The following KLKB1 variants were observed in gnomAD, a reference collection of about 807,000 sequenced individuals.
The protein encoded by KLKB1 is plasma kallikrein.
In KLKB1, 58 loss-of-function variants were observed where a neutral mutation model predicts 73.6. The ratio of observed to expected loss-of-function variants is 0.79; its 90% CI spans 0.64 to 0.98. The LOEUF (loss-of-function observed/expected upper bound fraction) is 0.98. KLKB1 is among the 50% of genes least tolerant of loss of function. KLKB1 has a pLI of 0.00. For synonymous variants in KLKB1, 280 were observed against 258.1 expected (o/e 1.08, Z -0.81); for missense variants, 737 against 763.8 (o/e 0.96, Z 0.41).
chr4:186,241,533 TTGAGAGA>T (rs1489590896), intron 6 of KLKB1, among the ~76,000 whole-genome samples: 2 of 152,188 alleles, frequency 1.3e-5, no homozygotes, highest in Non-Finnish European at 2.9e-5. Flanking sequence ...TGCATAGATC[TTGAGAGA>T]TGTCAGGCTA....
chr4:186,237,667 C>A (rs1737766449), intron 5 of KLKB1, among the ~76,000 whole-genome samples: 1 of 152,022 alleles, frequency 6.6e-6, no homozygotes, highest in African/African-American at 2.4e-5. Flanking sequence ...ATTTTTAAAT[C>A]TTATTTTTAT....
rs1737722468 is a variant in KLKB1 at position 186,236,907 on chromosome 4, A to G, written c.455A>G (p.Tyr152Cys). ...AACATTCGCTGCCAGTTTTTTTCAT[A>G]TGCCACGCAAACATTTCACAAGGCA... is the stretch of plus-strand genomic sequence containing the variant. ...TSNIRCQFFS[Y>C]ATQTFHKAEY... Residue 152 changes from tyrosine (Y) to cysteine (C), a missense_variant, in exon 5 of 15, where the codon TAT becomes TGT. By Grantham distance (194) the Tyr-to-Cys change is radical. Transcript: ENST00000264690. 6.2e-7 allele frequency: 1 copy of G among 1,614,126 alleles called. No individual in the cohort carries two copies. Among genetic ancestry groups the G allele is most frequent in the Non-Finnish European group, 8.5e-7 (1 of 1,180,030 alleles).
chr4:186,214,913 TG>T (rs1388655588), intron 2 of KLKB1, among the ~76,000 whole-genome samples: 1 of 152,246 alleles, frequency 6.6e-6, no homozygotes, highest in East Asian at 1.9e-4. Flanking sequence ...GATAAGTTTT[TG>T]GCACGTTCTT....
intron 6 of KLKB1, among the ~76,000 whole-genome samples, chr4:186,240,245 T>C (rs1427192151): frequency 1.3e-5 from 2 of 151,962 alleles, no homozygotes; most frequent in East Asian, 3.9e-4. Context: ...TATAGGACAG[T>C]GATGTAGTTA....
chr4:186,254,080 A>C (rs1261231891), intron 11 of KLKB1, among the ~76,000 whole-genome samples: 5 of 152,176 alleles, frequency 3.3e-5, no homozygotes, highest in African/African-American at 7.2e-5. Flanking sequence ...GGATCCACCC[A>C]CCTCGGCCTC....
upstream of KLKB1, among the ~76,000 whole-genome samples, chr4:186,222,692 A>G (rs558622158): frequency 6.6e-6 from 1 of 152,354 alleles, no homozygotes; most frequent in Middle Eastern, 3.4e-3. Context: ...CTGTTGCACA[A>G]TAACAGTATT....
chr4:186,223,470 G>C (rs1257006966), upstream of KLKB1, among the ~76,000 whole-genome samples: 1 of 152,214 alleles, frequency 6.6e-6, no homozygotes, highest in African/African-American at 2.4e-5. Context: ...ATGGAGACGA[G>C]AAACTATTGG....
In KLKB1 at chr4:186,257,365, G is replaced by A. The variant is rs1739058426; in HGVS notation, c.1725G>A (p.Lys575=). The A allele has an allele frequency of 1.3e-6, 2 of 1,578,474 alleles. 1 individual carries two copies. Among genetic ancestry groups the A allele is most frequent in the Admixed American group, 3.5e-5 (2 of 57,518 alleles). The part of the protein sequence containing the change: ...GYKEGGKDAC[K]GDSGGPLVCK... ...AAGAAGGGGGAAAAGATGCTTGTAA[G>A]GTAACTCATGAGATTATGAAAAACA... Residue 575 remains lysine (K), a splice_region_variant and synonymous_variant, in exon 14 of 15, where the codon AAG becomes AAA. Transcript: ENST00000264690.
chr4:186,235,887 G>T (rs965763188), intron 4 of KLKB1, among the ~76,000 whole-genome samples: 1 of 151,554 alleles, frequency 6.6e-6, no homozygotes, highest in Admixed American at 6.6e-5. Context: ...AGGCCGAGAC[G>T]GGCGGATCAC....
chr4:186,251,591 A>T lies in KLKB1; in HGVS notation c.973A>T (p.Met325Leu), dbSNP rs887022537. ...TGTTTGCCAAGAGACTTGCACAAAG[A>T]TGATTCGCTGTCAGTTTTTCACTTA... ...VNVCQETCTKMIRCQFFTYSL... is the reference protein window; with the variant it reads ...VNVCQETCTKLIRCQFFTYSL... Residue 325 changes from methionine to leucine, a missense_variant, in exon 9 of 15, where the codon ATG becomes TTG. Physicochemically the swap from Met to Leu is conservative, Grantham distance 15 (BLOSUM62 2). Transcript: ENST00000264690. 12 of 1,614,054 alleles carry T rather than the reference A, an allele frequency of 7.4e-6. No homozygotes were observed. Among genetic ancestry groups the T allele is most frequent in the Admixed American group, 1.7e-5 (1 of 60,010 alleles).
At chr4:186,245,835 TTA>T (rs1738316230) in intron 6 of KLKB1, among the ~76,000 whole-genome samples, 2 of 143,384 alleles carry the variant, frequency 1.4e-5, no homozygotes, top group African/African-American at 5.0e-5. Flanking sequence ...TTTTTTTTTT[TTA>T]ATGTCAGGAG....
intron 6 of KLKB1, among the ~76,000 whole-genome samples, chr4:186,240,230 A>G (rs1446331269): frequency 1.3e-5 from 2 of 152,030 alleles, no homozygotes; most frequent in Admixed American, 6.5e-5. Context: ...TGATATTGTT[A>G]TAGTTATAGG....
Position 186,258,082 on chromosome 4 carries a change from C to G in KLKB1, c.1787C>G (p.Thr596Ser), listed in dbSNP as rs1392411861. 1 of 1,613,986 alleles carries G rather than the reference C, an allele frequency of 6.2e-7. No homozygotes were observed. The highest frequency in any genetic ancestry group is 1.1e-5 in the South Asian group (1 of 91,082). Residue 596 changes from threonine to serine, a missense_variant, in exon 15 of 15, where the codon ACC (threonine) becomes AGC (serine). By Grantham distance (58) the Thr-to-Ser change is moderately conservative (BLOSUM62 1). Coordinates refer to ENST00000264690, the MANE Select transcript of KLKB1 (RefSeq NM_000892.5). ...GGAATGTGGCGTTTGGTGGGCATCA[C>G]CAGCTGGGGTGAAGGCTGTGCCCGC... ...HNGMWRLVGI[T>S]SWGEGCARRE...
intron 4 of KLKB1, among the ~76,000 whole-genome samples, chr4:186,235,141 A>C (rs1363349927): frequency 6.6e-6 from 1 of 152,156 alleles, no homozygotes; most frequent in Non-Finnish European, 1.5e-5. Context: ...GGTGTAGTCT[A>C]CGTGAGGTGG....
chr4:186,224,692 T>G (rs1017524069), upstream of KLKB1, among the ~76,000 whole-genome samples: 7 of 152,228 alleles, frequency 4.6e-5, no homozygotes, highest in Non-Finnish European at 8.8e-5. Context: ...GGGACTTGCC[T>G]TGTCTCAAAT....
At chr4:186,255,798 C>G (rs1358135042) in intron 12 of KLKB1, among the ~76,000 whole-genome samples, 194 bp from the exon 13 acceptor site, 1 of 152,032 alleles carries the variant, frequency 6.6e-6, no homozygotes, top group Non-Finnish European at 1.5e-5. Context: ...AATTGTAACA[C>G]CAAAAATGTC....
At chr4:186,256,641 G>A (rs1268861729) in intron 13 of KLKB1, among the ~76,000 whole-genome samples, 1 of 152,130 alleles carries the variant, frequency 6.6e-6, no homozygotes, top group Non-Finnish European at 1.5e-5. Flanking sequence ...AGCCATGAAA[G>A]CTCCCAACAT....
chr4:186,229,897 G>A (rs1324711683), intron 2 of KLKB1, among the ~76,000 whole-genome samples: 1 of 152,094 alleles, frequency 6.6e-6, no homozygotes, highest in Non-Finnish European at 1.5e-5. Flanking sequence ...CCAACGTCTT[G>A]CAATGAAGCT....
rs1259847292 is a variant in KLKB1 at position 186,256,086 on chromosome 4, A to T, written c.1584A>T (p.Lys528Asn). 2 of 1,589,260 alleles carry T rather than the reference A, an allele frequency of 1.3e-6. No individual in the cohort carries two copies. Among genetic ancestry groups the T allele is most frequent in the Admixed American group, 3.3e-5 (2 of 59,972 alleles). The stretch of plus-strand genomic sequence containing the variant: ...CCGGATGGGGCTTCTCGAAGGAGAA[A>T]GGTAAGCATGACGCTTTAAATATTG... ...WVTGWGFSKE[K>N]GEIQNILQKV... Residue 528 changes from lysine to asparagine, a missense_variant and splice_region_variant, in exon 13 of 15, where the codon AAA (lysine) becomes AAT (asparagine). Coordinates refer to ENST00000264690, the MANE Select transcript of KLKB1 (RefSeq NM_000892.5).
Sources: allele counts gnomAD v4.1 joint callset (sites outside exome capture counted in the v4.1 genomes callset), GRCh38; gene constraint gnomAD v4.1.1; transcripts MANE v1.5; gene names NCBI Gene and HGNC (gene_info 2026-07-23, HGNC 2026-07-21).